The following CADM1 variants were observed in gnomAD, a reference collection of about 807,000 sequenced individuals.
The protein encoded by CADM1 is TSLC-1.
CADM1 carries 15 observed loss-of-function variants against 53.1 expected under a neutral mutation model. The ratio of observed to expected loss-of-function variants is 0.28; its 90% CI spans 0.19 to 0.44. The LOEUF (loss-of-function observed/expected upper bound fraction) is 0.44. Among genes scored for constraint, CADM1 ranks in the 20% least tolerant of loss-of-function variants. The probability of loss-of-function intolerance (pLI) is 1.00; values close to 1 mark genes in which losing one functional copy is unlikely to be tolerated. For missense variants in CADM1, 434 were observed against 611.3 expected (o/e 0.71, Z 3.06); for synonymous variants, 281 against 243.0 (o/e 1.16, Z -1.45).
chr11:115,429,905 C>T (rs774790790), intron 1 of CADM1, among the ~76,000 whole-genome samples: 3 of 152,168 alleles, frequency 2.0e-5, no homozygotes, highest in Non-Finnish European at 4.4e-5. Flanking sequence ...CTGGCATGTA[C>T]TCCTCTTGAA....
In CADM1 at chr11:115,451,317, AT is replaced by A. The variant is rs1431669729; in HGVS notation, c.124+52953del. 2.6e-5 allele frequency among the ~76,000 whole-genome samples: 4 copies of A among 152,260 alleles called. No individual in the cohort carries two copies. The East Asian group carries it at 7.7e-4, about 29-fold the overall frequency. On this transcript the variant is annotated intron_variant, in intron 1 of 11. Transcript: ENST00000331581. ...TTGTTCCACTATGGAAAGGGCTGTA[AT>A]TTTTTTGAGGGTCTTTCTGCATTGA...
At chr11:115,265,054 T>A (rs1485378507) in intron 1 of CADM1, among the ~76,000 whole-genome samples, 1 of 152,158 alleles carries the variant, frequency 6.6e-6, no homozygotes, top group African/African-American at 2.4e-5. Context: ...AAGAAAAATA[T>A]AAGGCATTCA....
chr11:115,387,206 C>T (rs1157920135), intron 1 of CADM1, among the ~76,000 whole-genome samples: 2 of 152,118 alleles, frequency 1.3e-5, no homozygotes, highest in Non-Finnish European at 2.9e-5. Context: ...TAAAGTTGAT[C>T]ATTTTAAACT....
intron 7 of CADM1, among the ~76,000 whole-genome samples, chr11:115,212,638 T>C (rs145051477): frequency 1.1e-4 from 17 of 152,196 alleles, no homozygotes; most frequent in Admixed American, 8.5e-4. Context: ...TTGAAGGGGA[T>C]TGTTCTACTG....
At chr11:115,458,044 T>C (rs1403780056) in intron 1 of CADM1, among the ~76,000 whole-genome samples, 1 of 152,090 alleles carries the variant, frequency 6.6e-6, no homozygotes, top group African/African-American at 2.4e-5. Flanking sequence ...AAAATATTTA[T>C]GGGTGTACTC....
intron 7 of CADM1, among the ~76,000 whole-genome samples, chr11:115,211,480 T>TC (rs1358164569): frequency 2.1e-5 from 3 of 142,864 alleles, no homozygotes; most frequent in South Asian, 2.3e-4. Context: ...TATTTCTTTT[T>TC]TTTTTTTTTT....
At chr11:115,421,964 C>T (rs1057435682) in intron 1 of CADM1, among the ~76,000 whole-genome samples, 22 of 152,114 alleles carry the variant, frequency 1.4e-4, no homozygotes, top group Non-Finnish European at 3.2e-4. Context: ...AGGCTTATGC[C>T]CTAAGGGTAT....
chr11:115,492,155 G>A (rs1949511086), intron 1 of CADM1, among the ~76,000 whole-genome samples: 1 of 152,052 alleles, frequency 6.6e-6, no homozygotes. Context: ...ACAGCCAAAT[G>A]AGGAGGAAGG....
At chr11:115,495,356 C>G (rs910488087) in intron 1 of CADM1, among the ~76,000 whole-genome samples, 2 of 152,116 alleles carry the variant, frequency 1.3e-5, no homozygotes, top group African/African-American at 4.8e-5. Context: ...CAAAATACTT[C>G]AAGATAATCA....
Position 115,229,180 on chromosome 11 carries a change from C to A in CADM1, c.654G>T (p.Val218=). 1.2e-6 allele frequency: 2 copies of A among 1,614,126 alleles called. No individual in the cohort carries two copies. Among genetic ancestry groups the A allele is most frequent in the Non-Finnish European group, 1.7e-6 (2 of 1,180,006 alleles). The stretch of plus-strand genomic sequence containing the variant: ...CCGCAGGGTGCTCCACCTGGCAGAT[C>A]ACTGGGACCCCATCGTCCTCCTTGT... The part of the protein sequence containing the change: ...KVHKEDDGVP[V]ICQVEHPAVT... The change falls in exon 5 of 12, where the codon GTG becomes GTT. Residue 218 remains valine (V), a synonymous_variant. Transcript: ENST00000331581.
At chr11:115,397,362 C>T (rs916884430) in intron 1 of CADM1, 1 of 152,086 alleles carries the variant, frequency 6.6e-6, no homozygotes, top group Non-Finnish European at 1.5e-5. Flanking sequence ...AAAAACTGAA[C>T]ATTACCAGCC....
chr11:115,364,953 C>A (rs1946120494), intron 1 of CADM1, among the ~76,000 whole-genome samples: 1 of 152,134 alleles, frequency 6.6e-6, no homozygotes, highest in South Asian at 2.1e-4. Flanking sequence ...ATATTATATT[C>A]TTTATCCATT....
At chr11:115,234,357 A>G (rs922831081) in intron 3 of CADM1, among the ~76,000 whole-genome samples, 35 of 152,304 alleles carry the variant, frequency 2.3e-4, no homozygotes, top group African/African-American at 7.5e-4. Flanking sequence ...GGATCGAGGA[A>G]AATTCACCAA....
intron 3 of CADM1, among the ~76,000 whole-genome samples, chr11:115,231,986 C>CAATAATAATAATAAT (rs34209440): frequency 6.7e-6 from 1 of 148,380 alleles, no homozygotes; most frequent in African/African-American, 2.5e-5. Context: ...AACTCCGTCT[C>CAATAATAATAATAAT]AATAATAATA....
At chr11:115,332,888 T>C (rs1275979547) in intron 1 of CADM1, among the ~76,000 whole-genome samples, 1 of 152,144 alleles carries the variant, frequency 6.6e-6, no homozygotes, top group African/African-American at 2.4e-5. Context: ...AAAAAAGCGA[T>C]GTTCCTGGAT....
At chr11:115,454,831 T>C (rs1455173999) in intron 1 of CADM1, among the ~76,000 whole-genome samples, 1 of 152,232 alleles carries the variant, frequency 6.6e-6, no homozygotes, top group Non-Finnish European at 1.5e-5. Flanking sequence ...TCCTAAAAGA[T>C]GTGCCTCGTA....
At chr11:115,481,933 T>C (rs981086641) in intron 1 of CADM1, among the ~76,000 whole-genome samples, 6 of 152,170 alleles carry the variant, frequency 3.9e-5, no homozygotes, top group African/African-American at 9.7e-5. Context: ...GCTCCCCTCA[T>C]TGACACTCTC....
chr11:115,269,299 T>A (rs541653096), intron 1 of CADM1, among the ~76,000 whole-genome samples: 1 of 152,212 alleles, frequency 6.6e-6, no homozygotes, highest in East Asian at 1.9e-4. Context: ...AGAGACAAGC[T>A]ACCGACCTGA....
In CADM1 at chr11:115,349,554, A is replaced by G. The variant is rs146671904; in HGVS notation, c.125-109134T>C. 4.6e-3 allele frequency among the ~76,000 whole-genome samples: 705 copies of G among 152,320 alleles called. 3 individuals carry two copies. Among genetic ancestry groups the G allele is most frequent in the African/African-American group, 0.013 (524 of 41,580 alleles). ...GCTGACTAATGCACAATGCCTGTTC[A>G]AGCCCGTATTTCAAATCTGAAAGTC... On this transcript the variant is annotated intron_variant, in intron 1 of 11. Coordinates refer to ENST00000331581, the MANE Select transcript of CADM1 (RefSeq NM_001301043.2).
Sources: allele counts gnomAD v4.1 joint callset (sites outside exome capture counted in the v4.1 genomes callset), GRCh38; gene constraint gnomAD v4.1.1; transcripts MANE v1.5; gene names NCBI Gene and HGNC (gene_info 2026-07-23, HGNC 2026-07-21).